Variants in CNTNAP2 observed in about 807,000 individuals in gnomAD.
CNTNAP2 encodes contactin associated protein 2, also known as contactin-associated protein-like 2.
In CNTNAP2, 98 loss-of-function variants were observed where a neutral mutation model predicts 155.2. That is an observed-to-expected ratio of 0.63 (90% CI 0.54 to 0.75). The LOEUF (loss-of-function observed/expected upper bound fraction) is 0.75, where lower values mean the gene tolerates loss of function less well. Ranked by LOEUF, CNTNAP2 falls within the 30% of genes least tolerant of loss-of-function variation. The probability of loss-of-function intolerance (pLI) is 0.00; values close to 1 mark genes in which losing one functional copy is unlikely to be tolerated. For missense variants in CNTNAP2, 1,727 were observed against 1,688.1 expected (o/e 1.02, Z -0.40); for synonymous variants, 651 against 631.2 (o/e 1.03, Z -0.47).
intron 14 of CNTNAP2, among the ~76,000 whole-genome samples, chr7:147,930,490 TATA>T (rs1357599255): frequency 6.6e-6 from 1 of 152,164 alleles, no homozygotes; most frequent in African/African-American, 2.4e-5. Context: ...AAGGACACTA[TATA>T]ATAATAATAT....
chr7:148,181,741 CTTTTTTTTTTTTTTTTTTTT>C (rs71527884), intron 18 of CNTNAP2, among the ~76,000 whole-genome samples: 4 of 48,650 alleles, frequency 8.2e-5, no homozygotes, highest in Admixed American at 7.5e-4. Flanking sequence ...AGTGTGTGCC[CTTTTTTTTTTTTTTTTTTTT>C]TTTTTTTTTT....
At position 148,402,043 on chromosome 7, in the gene CNTNAP2, G is replaced by C. The variant is rs572235737; in HGVS notation, c.3716-7348G>C. ...AAGTTAACTAAGTAACTGATGGAAA[G>C]AGGGAGTACAATGGAATCAATTGCC... On this transcript the variant is annotated intron_variant, in intron 22 of 23. Transcript: ENST00000361727. 1.2e-4 allele frequency among the ~76,000 whole-genome samples: 19 copies of C among 152,334 alleles called. No homozygotes were observed. In the South Asian group the frequency reaches 3.5e-3, roughly 28 times the overall value.
At chr7:147,909,486 G>T (rs1013210459) in intron 14 of CNTNAP2, among the ~76,000 whole-genome samples, 1 of 152,294 alleles carries the variant, frequency 6.6e-6, no homozygotes, top group African/African-American at 2.4e-5. Context: ...AGCTGCAATG[G>T]CCTGTGAGTA....
intron 12 of CNTNAP2, among the ~76,000 whole-genome samples, chr7:147,600,374 G>T (rs758119591): frequency 6.6e-6 from 1 of 152,146 alleles, no homozygotes; most frequent in Non-Finnish European, 1.5e-5. Context: ...TGGGCCTCAC[G>T]GTCTCTACCA....
intron 13 of CNTNAP2, among the ~76,000 whole-genome samples, chr7:147,691,899 G>A (rs527993041): frequency 2.0e-5 from 3 of 152,112 alleles, no homozygotes; most frequent in South Asian, 4.1e-4. Flanking sequence ...TTACATTAGG[G>A]TTCACCCTTG....
chr7:148,249,988 C>T (rs1796337000), intron 20 of CNTNAP2, among the ~76,000 whole-genome samples: 1 of 152,248 alleles, frequency 6.6e-6, no homozygotes, highest in East Asian at 1.9e-4. Flanking sequence ...TCAACACCCA[C>T]TGACAGTCCT....
chr7:146,609,955 C>G (rs1799107294), intron 1 of CNTNAP2, among the ~76,000 whole-genome samples: 1 of 152,158 alleles, frequency 6.6e-6, no homozygotes, highest in Non-Finnish European at 1.5e-5. Flanking sequence ...GCACCCCAGA[C>G]ACAGCGAATC....
At chr7:147,281,792 A>G (rs945643645) in intron 8 of CNTNAP2, among the ~76,000 whole-genome samples, 2 of 151,896 alleles carry the variant, frequency 1.3e-5, no homozygotes, top group Non-Finnish European at 2.9e-5. Flanking sequence ...TGAGTTAGTC[A>G]TCACCTGATT....
chr7:147,755,435 A>G (rs1278518575), intron 13 of CNTNAP2, among the ~76,000 whole-genome samples: 1 of 152,208 alleles, frequency 6.6e-6, no homozygotes, highest in Non-Finnish European at 1.5e-5. Flanking sequence ...CAGGCGGATC[A>G]CTTGAAGCCA....
intron 3 of CNTNAP2, among the ~76,000 whole-genome samples, chr7:146,930,674 C>A (rs545027379): frequency 6.6e-6 from 1 of 152,254 alleles, no homozygotes; most frequent in East Asian, 1.9e-4. Context: ...TATCAGTGTG[C>A]TGTATTCAGG....
chr7:147,658,532 A>C (rs1045288396), intron 13 of CNTNAP2, among the ~76,000 whole-genome samples: 2 of 152,198 alleles, frequency 1.3e-5, no homozygotes, highest in Admixed American at 6.5e-5. Context: ...CAGTGTATTA[A>C]TTTGTAATGA....
At chr7:146,472,548 C>T (rs1796815600) in intron 1 of CNTNAP2, among the ~76,000 whole-genome samples, 1 of 152,026 alleles carries the variant, frequency 6.6e-6, no homozygotes, top group Admixed American at 6.6e-5. Context: ...TGTATTACTA[C>T]CCAACACTTA....
At chr7:148,063,334 A>G (rs1193208425) in intron 15 of CNTNAP2, among the ~76,000 whole-genome samples, 3 of 152,028 alleles carry the variant, frequency 2.0e-5, no homozygotes, top group African/African-American at 7.2e-5. Context: ...TAAAGCCATT[A>G]TCTCTTCAAA....
intron 3 of CNTNAP2, among the ~76,000 whole-genome samples, chr7:147,013,029 C>T (rs767604305): frequency 1.3e-5 from 2 of 151,546 alleles, no homozygotes; most frequent in African/African-American, 2.4e-5. Context: ...ACCATTTTGA[C>T]CCCCCAAAAT....
intron 3 of CNTNAP2, among the ~76,000 whole-genome samples, chr7:146,906,719 A>C (rs1245762940): frequency 6.6e-6 from 1 of 152,156 alleles, no homozygotes; most frequent in Non-Finnish European, 1.5e-5. Context: ...GAACAGAAAA[A>C]CTGGAAACTC....
At chr7:148,228,648 C>A (rs1795901620) in intron 19 of CNTNAP2, among the ~76,000 whole-genome samples, 1 of 151,728 alleles carries the variant, frequency 6.6e-6, no homozygotes, top group African/African-American at 2.4e-5. Flanking sequence ...ACGGTGAAAC[C>A]CCGTCTCTAC....
At chr7:147,204,539 T>A (rs1429756927) in intron 8 of CNTNAP2, among the ~76,000 whole-genome samples, 1 of 152,084 alleles carries the variant, frequency 6.6e-6, no homozygotes, top group Non-Finnish European at 1.5e-5. Flanking sequence ...CATAGTAAAC[T>A]CCATGAAAGG....
At chr7:146,887,311 A>G (rs1055655253) in intron 3 of CNTNAP2, among the ~76,000 whole-genome samples, 34 of 151,100 alleles carry the variant, frequency 2.3e-4, no homozygotes, top group African/African-American at 8.3e-4. Flanking sequence ...ACCACACCCA[A>G]CTGATTCTGT....
chr7:146,220,670 G>A (rs901136731), intron 1 of CNTNAP2, among the ~76,000 whole-genome samples: 1 of 152,006 alleles, frequency 6.6e-6, no homozygotes, highest in African/African-American at 2.4e-5. Flanking sequence ...ATAAAATATT[G>A]ATACAGTATA....
Sources: allele counts gnomAD v4.1 joint callset (sites outside exome capture counted in the v4.1 genomes callset), GRCh38; gene constraint gnomAD v4.1.1; transcripts MANE v1.5; gene names NCBI Gene and HGNC (gene_info 2026-07-23, HGNC 2026-07-21).